Variants in FAF1 observed in about 807,000 individuals in gnomAD.
FAF1 encodes the protein FAS-associated factor 1.
FAF1 carries 25 observed loss-of-function variants against 92.5 expected under a neutral mutation model. That is an observed-to-expected ratio of 0.27 (90% CI 0.20 to 0.38). FAF1 has a LOEUF of 0.38. Ranked by LOEUF, FAF1 falls within the 10% of genes least tolerant of loss-of-function variation. The pLI is 1.00. For synonymous variants in FAF1, 234 were observed against 273.2 expected (o/e 0.86, Z 1.42); for missense variants, 636 against 793.3 (o/e 0.80, Z 2.38).
At chr1:50,867,823 TC>T (rs757381536) in intron 1 of FAF1, among the ~76,000 whole-genome samples, 2 of 152,152 alleles carry the variant, frequency 1.3e-5, no homozygotes, top group Non-Finnish European at 2.9e-5. Flanking sequence ...GCAATCCCAT[TC>T]CTGGGTACCT....
At chr1:50,629,087 A>G (rs556975085) in intron 8 of FAF1, among the ~76,000 whole-genome samples, 22 of 151,602 alleles carry the variant, frequency 1.5e-4, no homozygotes, top group Non-Finnish European at 3.1e-4. Flanking sequence ...TTTTTAAGTG[A>G]TATCTATTAT....
At chr1:50,734,569 C>T (rs749755816) in intron 6 of FAF1, among the ~76,000 whole-genome samples, 16 of 152,040 alleles carry the variant, frequency 1.1e-4, no homozygotes, top group East Asian at 5.8e-4. Context: ...CCTGTCTCTA[C>T]TAAATATACA....
chr1:50,658,635 C>T (rs1371154241), intron 7 of FAF1, among the ~76,000 whole-genome samples: 1 of 152,156 alleles, frequency 6.6e-6, no homozygotes, highest in Non-Finnish European at 1.5e-5. Context: ...TAATGTTAGC[C>T]ATTGCACAAG....
chr1:50,518,413 T>C (rs577947669), intron 15 of FAF1, among the ~76,000 whole-genome samples: 19 of 152,092 alleles, frequency 1.2e-4, no homozygotes, highest in Non-Finnish European at 2.4e-4. Flanking sequence ...CAGCTTCAGC[T>C]TCTATAAACA....
chr1:50,569,628 A>T (rs1650337051), intron 12 of FAF1, among the ~76,000 whole-genome samples: 1 of 152,198 alleles, frequency 6.6e-6, no homozygotes, highest in Non-Finnish European at 1.5e-5. Context: ...TGGGAAAAAG[A>T]GAGCTGTCCA....
At chr1:50,866,942 T>C (rs1644486366) in intron 1 of FAF1, among the ~76,000 whole-genome samples, 1 of 152,070 alleles carries the variant, frequency 6.6e-6, no homozygotes, top group Non-Finnish European at 1.5e-5. Context: ...CAAACTATAC[T>C]ACAAGGCTAT....
intron 9 of FAF1, among the ~76,000 whole-genome samples, chr1:50,592,100 C>T (rs1572855319): frequency 6.6e-6 from 1 of 152,068 alleles, no homozygotes; most frequent in Non-Finnish European, 1.5e-5. Flanking sequence ...AAGTTACAAC[C>T]CACCCCCATT....
intron 2 of FAF1, among the ~76,000 whole-genome samples, chr1:50,836,957 T>C (rs1235010437): frequency 7.6e-6 from 1 of 132,440 alleles, no homozygotes; most frequent in Non-Finnish European, 1.6e-5. Context: ...GTTTCTTTTT[T>C]TTTTTTTTTT....
chr1:50,786,843 G>A (rs1371976286), intron 4 of FAF1, among the ~76,000 whole-genome samples: 1 of 152,112 alleles, frequency 6.6e-6, no homozygotes, highest in Non-Finnish European at 1.5e-5. Flanking sequence ...TTAAAGATTT[G>A]AATTATATCC....
At chr1:50,448,372 C>CT (rs138634218) in intron 18 of FAF1, among the ~76,000 whole-genome samples, 38,657 of 151,836 alleles carry the variant, frequency 0.25, 5,390 homozygotes, top group Middle Eastern at 0.43. Context: ...AAATTGAGAC[C>CT]TTTTTTTTGC....
At chr1:50,765,536 T>A (rs1020276078) in intron 4 of FAF1, among the ~76,000 whole-genome samples, 13 of 152,054 alleles carry the variant, frequency 8.5e-5, no homozygotes, top group Non-Finnish European at 2.9e-5. Context: ...AGAAAAAAAA[T>A]GTAGTGAAAG....
At chr1:50,834,063 C>T (rs367686180) in intron 2 of FAF1, among the ~76,000 whole-genome samples, 2 of 152,162 alleles carry the variant, frequency 1.3e-5, no homozygotes, top group South Asian at 2.1e-4. Context: ...GATCATCGGG[C>T]GGATTTCCCC....
At chr1:50,509,911 T>G (rs1490300151) in intron 15 of FAF1, among the ~76,000 whole-genome samples, 9 of 152,144 alleles carry the variant, frequency 5.9e-5, no homozygotes, top group Non-Finnish European at 1.5e-5. Flanking sequence ...CTCATGCCTG[T>G]AATCCCAGCA....
intron 3 of FAF1, among the ~76,000 whole-genome samples, chr1:50,797,414 T>C (rs536081385): frequency 1.3e-5 from 2 of 152,240 alleles, no homozygotes; most frequent in East Asian, 3.9e-4. Flanking sequence ...AAGATATTGA[T>C]TGAATGCCAG....
chr1:50,763,127 A>G (rs112717424), intron 4 of FAF1, among the ~76,000 whole-genome samples: 10,111 of 152,094 alleles, frequency 0.066, 415 homozygotes, highest in East Asian at 0.094. Context: ...GCATGGTGGC[A>G]TGCGTCTGTA....
At position 50,788,144 on chromosome 1, in the gene FAF1, C is replaced by G; in HGVS notation, c.223G>C (p.Ala75Pro). The change falls in exon 4 of 19, where the codon GCT (alanine) becomes CCT (proline). Residue 75 changes from alanine (A) to proline (P), a missense_variant. Around this residue, in one of 2 missense-constraint regions of FAF1, gnomAD observed 317 missense variants for 342.4 expected, o/e 0.93. Transcript: ENST00000396153. ...AFNPASHPAS[A>P]PTSSSSSAFR... ...GCTGAAGAAGAAGAGGAAGTAGGAG[C>G]TGAAGCTGGATGACTTGCTGGATTA... The G allele has an allele frequency of 6.2e-7, 1 of 1,614,152 alleles. No individual in the cohort carries two copies. The highest frequency in any genetic ancestry group is 1.3e-5 in the African/African-American group (1 of 75,042).
rs546180784 is a variant in FAF1 at position 50,813,582 on chromosome 1, T to G, written c.115-11905A>C. ...CTGAAGCAATCCTCCCACCTCAGCC[T>G]CCTGAGTAGCTCGGACTACAGGCAA... On this transcript the variant is annotated intron_variant, in intron 2 of 18. Transcript: ENST00000396153. Among the ~76,000 whole-genome samples the G allele has an allele frequency of 2.6e-5, 4 of 152,220 alleles. No homozygotes were observed. The South Asian group carries it at 8.3e-4, about 32-fold the overall frequency.
At chr1:50,755,008 T>C (rs111352324) in intron 4 of FAF1, among the ~76,000 whole-genome samples, 13,178 of 152,040 alleles carry the variant, frequency 0.087, 596 homozygotes, top group African/African-American at 0.098. Flanking sequence ...AAGATGAGAT[T>C]TGGGTGGGGA....
At chr1:50,876,588 T>C (rs1342842864) in intron 1 of FAF1, among the ~76,000 whole-genome samples, 1 of 152,170 alleles carries the variant, frequency 6.6e-6, no homozygotes, top group African/African-American at 2.4e-5. Context: ...TTTGTTTTTT[T>C]GTTTTGTTTT....
Sources: gnomAD v4.1 joint callset for allele counts (sites outside exome capture counted in the v4.1 genomes callset) on GRCh38, gnomAD v4.1.1 for gene constraint, gnomAD v4.1.1 regional missense constraint, MANE v1.5 for transcripts, NCBI Gene and HGNC (gene_info 2026-07-23, HGNC 2026-07-21) for gene names.